Variants in RORA observed in about 807,000 individuals in gnomAD.
RORA encodes RAR related orphan receptor A.
RORA carries 7 observed loss-of-function variants against 69.5 expected under a neutral mutation model. That is an observed-to-expected ratio of 0.10 (90% CI 0.06 to 0.19). The LOEUF (loss-of-function observed/expected upper bound fraction) is 0.19, where lower values mean the gene tolerates loss of function less well. Ranked by LOEUF, RORA falls within the 10% of genes least tolerant of loss-of-function variation. RORA has a pLI of 1.00. For missense variants in RORA, 457 were observed against 663.0 expected (o/e 0.69, Z 3.41); for synonymous variants, 261 against 240.8 (o/e 1.08, Z -0.78).
intron 1 of RORA, among the ~76,000 whole-genome samples, chr15:61,021,356 A>G (rs902097867): frequency 6.6e-6 from 1 of 152,202 alleles, no homozygotes; most frequent in South Asian, 2.1e-4. Context: ...ATCACTGCCT[A>G]AACTTAGAAT....
chr15:61,089,612 C>G (rs1040020917), intron 1 of RORA, among the ~76,000 whole-genome samples: 2 of 152,156 alleles, frequency 1.3e-5, no homozygotes, highest in African/African-American at 4.8e-5. Context: ...AGATCCTGAA[C>G]CCAGAAAGGC....
intron 1 of RORA, among the ~76,000 whole-genome samples, chr15:60,752,975 A>C (rs2071748982): frequency 1.3e-5 from 2 of 152,194 alleles, no homozygotes; most frequent in South Asian, 4.1e-4. Flanking sequence ...CCCCTTTTCA[A>C]AACAACAAGA....
chr15:60,719,141 G>C (rs1416132507), intron 1 of RORA, among the ~76,000 whole-genome samples: 2 of 44,194 alleles, frequency 4.5e-5, no homozygotes, highest in Non-Finnish European at 8.7e-5. Context: ...ATTTGAATAT[G>C]GACTCAATAT....
rs1206604585 is a variant in RORA, at chr15:60,495,515, T to A, written c.*1940A>T. On this transcript the variant is annotated 3_prime_UTR_variant, in exon 11 of 11. Coordinates refer to ENST00000335670, the MANE Select transcript of RORA (RefSeq NM_134261.3). The stretch of plus-strand genomic sequence containing the variant: ...TCCCTCAAGAAACAAGTCAGAAAAG[T>A]CAGTGGAGTTAGAAACAGAGTGAAG... 6.6e-6 allele frequency: 1 copy of A among 152,182 alleles called. No homozygotes were observed. The highest frequency in any genetic ancestry group is 1.5e-5 in the Non-Finnish European group (1 of 68,048). The allele number at this position is 152,182 out of a possible 1,614,324, so 9.4% of individuals were successfully genotyped here. A position where few individuals can be genotyped will look rare whatever the true frequency, so the allele number is the denominator to read the frequency against.
At chr15:60,915,395 G>A (rs574586990) in intron 1 of RORA, among the ~76,000 whole-genome samples, 1 of 152,222 alleles carries the variant, frequency 6.6e-6, no homozygotes, top group African/African-American at 2.4e-5. Context: ...CCACTGGGGG[G>A]GCACAGGCCC....
intron 1 of RORA, among the ~76,000 whole-genome samples, chr15:60,685,914 G>A (rs538063283): frequency 5.3e-5 from 8 of 152,070 alleles, no homozygotes; most frequent in Non-Finnish European, 1.0e-4. Flanking sequence ...TTTTATGTTC[G>A]ATTTGAGCCT....
intron 1 of RORA, among the ~76,000 whole-genome samples, chr15:61,106,651 A>AT (rs2078951722): frequency 6.6e-6 from 1 of 152,064 alleles, no homozygotes; most frequent in African/African-American, 2.4e-5. Flanking sequence ...TTTCACACTG[A>AT]TTTTACCACT....
At chr15:61,069,618 C>G (rs2078311825) in intron 1 of RORA, among the ~76,000 whole-genome samples, 1 of 151,924 alleles carries the variant, frequency 6.6e-6, no homozygotes, top group Admixed American at 6.6e-5. Flanking sequence ...ACCCCACGGA[C>G]CCAGTTCATA....
intron 1 of RORA, among the ~76,000 whole-genome samples, chr15:61,013,685 T>C (rs1261924193): frequency 1.3e-5 from 2 of 152,110 alleles, no homozygotes; most frequent in Non-Finnish European, 2.9e-5. Context: ...TATTCATTTT[T>C]CTTTTAAATT....
At chr15:60,956,045 T>C (rs28709654) in intron 1 of RORA, among the ~76,000 whole-genome samples, 3,146 of 152,322 alleles carry the variant, frequency 0.021, 109 homozygotes, top group African/African-American at 0.071. Flanking sequence ...TTTTGTTTCC[T>C]TTCTGGTTAG....
At chr15:60,876,652 T>C (rs954006337) in intron 1 of RORA, among the ~76,000 whole-genome samples, 3 of 152,172 alleles carry the variant, frequency 2.0e-5, no homozygotes, top group Admixed American at 1.3e-4. Flanking sequence ...AATTTTTACA[T>C]AGTACCATTT....
intron 1 of RORA, among the ~76,000 whole-genome samples, chr15:60,868,413 G>GA (rs1351195113): frequency 6.6e-6 from 1 of 152,082 alleles, no homozygotes; most frequent in Non-Finnish European, 1.5e-5. Context: ...ACGCACATTT[G>GA]AAAAAAGTAG....
chr15:60,645,904 A>G (rs1377859889), intron 2 of RORA, among the ~76,000 whole-genome samples: 1 of 151,966 alleles, frequency 6.6e-6, no homozygotes, highest in African/African-American at 2.4e-5. Context: ...GCATATACAC[A>G]CTTCTCTATG....
At chr15:60,888,609 CTGGCCCGCCCTACACA>C (rs1307416602) in intron 1 of RORA, among the ~76,000 whole-genome samples, 3 of 152,234 alleles carry the variant, frequency 2.0e-5, no homozygotes, top group African/African-American at 7.2e-5. Context: ...CAGCAGCCGT[CTGGCCCGCCCTACACA>C]TGGCATTTCT....
rs191257250 is a variant in RORA, at chr15:60,596,212, T to C, written c.197-64361A>G. Among the ~76,000 whole-genome samples, 346 of 152,266 alleles carry C rather than the reference T, an allele frequency of 2.3e-3. 4 individuals are homozygous for C. Among genetic ancestry groups the C allele is most frequent in the Admixed American group, 0.019 (283 of 15,294 alleles). Reference sequence around the variant, plus strand: ...AGTGGACTGGCAAACTTATCCCGAATCTGCAAGTGGCTCCTAGGACAAAGG... The same window carrying C: ...AGTGGACTGGCAAACTTATCCCGAACCTGCAAGTGGCTCCTAGGACAAAGG... On this transcript the variant is annotated intron_variant, in intron 2 of 10. Coordinates refer to ENST00000335670, the MANE Select transcript of RORA (RefSeq NM_134261.3).
At chr15:60,606,152 C>CAG (rs1228366400) in intron 2 of RORA, among the ~76,000 whole-genome samples, 1 of 152,218 alleles carries the variant, frequency 6.6e-6, no homozygotes, top group Non-Finnish European at 1.5e-5. Flanking sequence ...TAACATATGG[C>CAG]AGCTGGGCTC....
intron 1 of RORA, among the ~76,000 whole-genome samples, chr15:60,716,554 G>T (rs2071221276): frequency 1.3e-5 from 2 of 152,230 alleles, no homozygotes; most frequent in East Asian, 1.9e-4. Flanking sequence ...ACAGTCCCTG[G>T]CTCATAACTC....
intron 3 of RORA, among the ~76,000 whole-genome samples, chr15:60,521,026 C>T (rs1442937428): frequency 6.6e-6 from 1 of 151,986 alleles, no homozygotes; most frequent in Non-Finnish European, 1.5e-5. Flanking sequence ...ACAAACAGGC[C>T]TTTGGTGCTG....
In RORA at chr15:61,129,329, T is replaced by C. The variant is rs544212407; in HGVS notation, c.166+99724A>G. ...GTTTTCTTGAAAACATTGTGTTAAG[T>C]GAAAGAAGCCAGACATAACAGGCCA... On this transcript the variant is annotated intron_variant, in intron 1 of 10. Transcript: ENST00000335670. Among the ~76,000 whole-genome samples the C allele has an allele frequency of 5.3e-5, 8 of 152,210 alleles. No homozygotes were observed. The South Asian group carries it at 1.2e-3, about 24-fold the overall frequency.
Sources: allele counts gnomAD v4.1 joint callset (sites outside exome capture counted in the v4.1 genomes callset), GRCh38; gene constraint gnomAD v4.1.1; transcripts MANE v1.5; gene names NCBI Gene and HGNC (gene_info 2026-07-23, HGNC 2026-07-21).